The following PPP1R7 variants were observed in gnomAD, a reference collection of about 807,000 sequenced individuals.
PPP1R7 encodes the protein protein phosphatase 1 regulatory subunit 7.
In PPP1R7, 18 loss-of-function variants were observed where a neutral mutation model predicts 45.2. That is an observed-to-expected ratio of 0.40 (90% CI 0.28 to 0.59). The LOEUF is 0.59. PPP1R7 is among the 20% of genes least tolerant of loss of function. The pLI is 0.46. For synonymous variants in PPP1R7, 181 were observed against 183.4 expected (o/e 0.99, Z 0.11); for missense variants, 314 against 455.8 (o/e 0.69, Z 2.83).
chr2:241,181,353 A>G (rs1484190840), intron 9 of PPP1R7, among the ~76,000 whole-genome samples: 2 of 152,134 alleles, frequency 1.3e-5, no homozygotes, highest in African/African-American at 4.8e-5. Context: ...ACAGACAGAT[A>G]GAAAAATATG....
At chr2:241,181,304 C>T (rs1228389382) in intron 9 of PPP1R7, among the ~76,000 whole-genome samples, 1 of 152,140 alleles carries the variant, frequency 6.6e-6, no homozygotes, top group Non-Finnish European at 1.5e-5. Context: ...GACAGCCTGG[C>T]TGTGACAGTG....
At chr2:241,158,676 T>C in intron 4 of PPP1R7, 127 bp downstream of exon 4, 1 of 860,632 alleles carries the variant, frequency 1.2e-6, no homozygotes, top group Admixed American at 1.9e-5. Flanking sequence ...TGCCTCCACC[T>C]TGTAGCAGGC....
chr2:241,178,088 CT>C (rs1229248144), intron 9 of PPP1R7, among the ~76,000 whole-genome samples: 10 of 152,384 alleles, frequency 6.6e-5, no homozygotes, highest in Admixed American at 2.0e-4. Context: ...CTTGGCACCC[CT>C]GACCCAGGGC....
chr2:241,173,029 C>T lies in PPP1R7; in HGVS notation c.906+3162C>T, dbSNP rs950787770. Among the ~76,000 whole-genome samples, 14 of 151,844 alleles carry T rather than the reference C, an allele frequency of 9.2e-5. No homozygotes were observed. The East Asian group carries it at 2.7e-3, about 29-fold the overall frequency. ...AGATGGGGCCAGACACGGTGGCTCA[C>T]ACCTGTAATCCCAAGGTGGATCACT... On this transcript the variant is annotated intron_variant, in intron 9 of 9. Transcript: ENST00000234038.
At chr2:241,174,921 C>T (rs1451472326) in intron 9 of PPP1R7, among the ~76,000 whole-genome samples, 5 of 152,100 alleles carry the variant, frequency 3.3e-5, no homozygotes, top group Non-Finnish European at 7.4e-5. Context: ...ATGATCCGCC[C>T]GCCTTGGCCT....
intron 1 of PPP1R7, 92 bp downstream of exon 1, chr2:241,150,639 TCCTGCCTCTGGCCGCCGCCGCGCGGCCC>T: frequency 7.3e-7 from 1 of 1,372,522 alleles, no homozygotes. Flanking sequence ...AAACTCCACG[TCCTGCCTCTGGCCGCCGCCGCGCGGCCC>T]CCTGACAGCT....
At chr2:241,165,876 C>T (rs111481336) in intron 7 of PPP1R7, among the ~76,000 whole-genome samples, 27 of 151,306 alleles carry the variant, frequency 1.8e-4, no homozygotes, top group African/African-American at 5.6e-4. Context: ...GGATTACAGG[C>T]GTGAGCCACC....
intron 9 of PPP1R7, among the ~76,000 whole-genome samples, chr2:241,173,639 A>G (rs6710177): frequency 0.7 from 106,520 of 152,048 alleles, 37,849 homozygotes; most frequent in Middle Eastern, 0.87. Context: ...ATTTTCTCTA[A>G]AACTGCTTCT....
intron 7 of PPP1R7, among the ~76,000 whole-genome samples, chr2:241,163,733 C>T (rs548364999): frequency 2.6e-4 from 40 of 151,518 alleles, no homozygotes; most frequent in Middle Eastern, 3.5e-3. Flanking sequence ...CCTACCAAGT[C>T]GGTAGGACTA....
intron 8 of PPP1R7, chr2:241,166,910 C>T: frequency 1.4e-6 from 1 of 735,610 alleles, no homozygotes. Flanking sequence ...AGCACAGGAC[C>T]AGCTCTCAGT....
Position 241,183,414 on chromosome 2 carries a change from G to C in PPP1R7, c.*591G>C. ...CAAAGAGCGCCGGGCAGGGCTGACT[G>C]TTTTCACGTGTGCCCGTCAGTTCTC... On this transcript the variant is annotated 3_prime_UTR_variant, in exon 10 of 10. Transcript: ENST00000234038. 2.1e-6 allele frequency: 1 copy of C among 471,214 alleles called. No individual in the cohort carries two copies. The highest frequency in any genetic ancestry group is 4.4e-6 in the Non-Finnish European group (1 of 227,064). 29.2% of individuals were successfully genotyped at this position (471,214 alleles called of 1,614,324 possible). A position where few individuals can be genotyped will look rare whatever the true frequency, so the allele number is the denominator to read the frequency against.
rs79859812 is a variant in PPP1R7, at chr2:241,168,293, G to A, written c.820-1488G>A. 3.3e-5 allele frequency among the ~76,000 whole-genome samples: 5 copies of A among 152,104 alleles called. No homozygotes were observed. The East Asian group carries it at 5.8e-4, about 18-fold the overall frequency. On this transcript the variant is annotated intron_variant, in intron 8 of 9. Coordinates refer to ENST00000234038, the MANE Select transcript of PPP1R7 (RefSeq NM_002712.3). ...GTTCTGACAGCCAGAGCCCACCACC[G>A]GCTCTGCCCCTCGTGCTGAGCCTTG...
rs1056201614 is a variant in PPP1R7 at position 241,158,994 on chromosome 2, C to T, written c.304-219C>T. 1.3e-5 allele frequency: 7 copies of T among 553,574 alleles called. No homozygotes were observed. In the African/African-American group the frequency reaches 1.3e-4, roughly 10 times the overall value. 34.3% of individuals were successfully genotyped at this position (553,574 alleles called of 1,614,324 possible). A position where few individuals can be genotyped will look rare whatever the true frequency, so the allele number is the denominator to read the frequency against. ...TGGTGGGGAGCCTGCCTCCTGCCTC[C>T]CTTTGGGTTCCCGCCCTTCCTCAGG... On this transcript the variant is annotated intron_variant, in intron 4 of 9. Coordinates refer to ENST00000234038, the MANE Select transcript of PPP1R7 (RefSeq NM_002712.3).
At chr2:241,173,092 C>A (rs1024528575) in intron 9 of PPP1R7, among the ~76,000 whole-genome samples, 1 of 151,564 alleles carries the variant, frequency 6.6e-6, no homozygotes, top group Admixed American at 6.6e-5. Context: ...ACCAACATGG[C>A]GAAACCCCGT....
intron 1 of PPP1R7, among the ~76,000 whole-genome samples, chr2:241,150,844 A>T (rs1266771984): frequency 7.9e-5 from 12 of 152,034 alleles, no homozygotes; most frequent in African/African-American, 2.4e-4. Context: ...GTCCAGTTGG[A>T]GCCTCGCCCC....
chr2:241,179,775 A>G (rs2067968927), intron 9 of PPP1R7, among the ~76,000 whole-genome samples: 1 of 152,266 alleles, frequency 6.6e-6, no homozygotes, highest in Non-Finnish European at 1.5e-5. Context: ...CTATGGAGAC[A>G]GAGTCTCATA....
At chr2:241,150,098 C>T (rs2067214883), upstream of PPP1R7, 2 of 1,262,214 alleles carry the variant, frequency 1.6e-6, no homozygotes. Context: ...CGGAAAGATC[C>T]GCCTGGCCCG....
rs1322802913 is a variant in PPP1R7, at chr2:241,159,192, GT to G, written c.304-20del. 1 of 1,611,448 alleles carries G rather than the reference GT, an allele frequency of 6.2e-7. No homozygotes were observed. The highest frequency in any genetic ancestry group is 1.3e-5 in the African/African-American group (1 of 74,838). On this transcript the variant is annotated intron_variant, in intron 4 of 9. Coordinates refer to ENST00000234038, the MANE Select transcript of PPP1R7 (RefSeq NM_002712.3). ...GGCCTCCCCCTTGCCTGTGTCAATT[GT>G]CCCTTTTCCCATCCCCCAGACTCTC...
chr2:241,157,707 C>T lies in PPP1R7; in HGVS notation c.182-100C>T. ...TTCCTCCTCGGGGTTTGAGCTGGCT[C>T]TGGGCACCAAACAGCCCCAGACCTC... On this transcript the variant is annotated intron_variant, in intron 2 of 9. Transcript: ENST00000234038. 5 of 1,187,110 alleles carry T rather than the reference C, an allele frequency of 4.2e-6. No homozygotes were observed. The South Asian group carries it at 6.6e-5, about 16-fold the overall frequency. 73.5% of individuals were successfully genotyped at this position (1,187,110 alleles called of 1,614,324 possible).
Sources: allele counts gnomAD v4.1 joint callset (sites outside exome capture counted in the v4.1 genomes callset), GRCh38; gene constraint gnomAD v4.1.1; transcripts MANE v1.5; gene names NCBI Gene and HGNC (gene_info 2026-07-23, HGNC 2026-07-21).